MTFR1: variants seen among roughly 807,000 people sequenced by gnomAD.
The protein encoded by MTFR1 is mitochondrial fission regulator 1, also known as chondrocyte protein with a poly-proline region.
In MTFR1, 28 loss-of-function variants were observed where a neutral mutation model predicts 38.8. The ratio of observed to expected loss-of-function variants is 0.72; its 90% confidence interval spans 0.53 to 0.99. The LOEUF (loss-of-function observed/expected upper bound fraction) is 0.99, where lower values mean the gene tolerates loss of function less well. Ranked by LOEUF, MTFR1 falls within the 50% of genes least tolerant of loss-of-function variation. The pLI is 0.00. For synonymous variants in MTFR1, 145 were observed against 137.0 expected (o/e 1.06, Z -0.41); for missense variants, 358 against 395.5 (o/e 0.91, Z 0.81).
Position 65,703,419 on chromosome 8 carries a change from G to GTTTTTTTTT in MTFR1, c.282-1251_282-1243dup, listed in dbSNP as rs553260839. Among the ~76,000 whole-genome samples the GTTTTTTTTT allele has an allele frequency of 2.2e-3, 113 of 50,958 alleles. 11 individuals carry two copies. The highest frequency in any genetic ancestry group is 4.1e-3 in the African/African-American group (51 of 12,364). The allele number at this position is 50,958 out of a possible 152,430, so 33.4% of individuals were successfully genotyped here. A position where few individuals can be genotyped will look rare whatever the true frequency, so the allele number is the denominator to read the frequency against. ...GGTACATCCATGCTTGATGTCTCTG[G>GTTTTTTTTT]TTTTTTTTTTTTTTTTTTTTTTTTT... On this transcript the variant is annotated intron_variant, in intron 4 of 7. Coordinates refer to ENST00000262146, the MANE Select transcript of MTFR1 (RefSeq NM_014637.4).
At chr8:65,665,695 G>A (rs769264039) in intron 1 of MTFR1, among the ~76,000 whole-genome samples, 6 of 152,102 alleles carry the variant, frequency 3.9e-5, no homozygotes, top group Non-Finnish European at 5.9e-5. Context: ...ATGGGGTCTC[G>A]CTTTGTTGAC....
intron 1 of MTFR1, among the ~76,000 whole-genome samples, chr8:65,650,467 T>C (rs7825615): frequency 0.19 from 29,201 of 152,086 alleles, 2,971 homozygotes; most frequent in Middle Eastern, 0.23. Context: ...CCACCGCGCC[T>C]AGCCAACCAT....
chr8:65,745,518 T>C (rs1807634607), intron 3 of MTFR1: 6 of 1,052,044 alleles, frequency 5.7e-6, no homozygotes, highest in South Asian at 1.3e-5. Flanking sequence ...TTCAATAACA[T>C]TGTCTTTTGG....
chr8:65,668,322 C>A (rs983330832), intron 1 of MTFR1, among the ~76,000 whole-genome samples: 3 of 147,576 alleles, frequency 2.0e-5, no homozygotes, highest in Non-Finnish European at 4.5e-5. Flanking sequence ...GGATTACAGG[C>A]GTGCTCCACC....
At chr8:65,681,726 T>C (rs1340905464) in intron 2 of MTFR1, among the ~76,000 whole-genome samples, 2 of 149,138 alleles carry the variant, frequency 1.3e-5, no homozygotes, top group African/African-American at 5.0e-5. Flanking sequence ...CATAGCATAA[T>C]GTCCTGTTTT....
chr8:65,743,672 A>G (rs1238796565), intron 3 of MTFR1, among the ~76,000 whole-genome samples: 1 of 152,224 alleles, frequency 6.6e-6, no homozygotes, highest in Non-Finnish European at 1.5e-5. Flanking sequence ...AAGGTAATTT[A>G]TTTGTTCATT....
Position 65,682,334 on chromosome 8 carries a change from G to A in MTFR1, c.67-19G>A, listed in dbSNP as rs1308573841. ...TGTACATCTTGTAATTAAGCTTTCG[G>A]TTTTTCCTACTTCCTCAGGTACTTT... On this transcript the variant is annotated intron_variant, in intron 2 of 7. Coordinates refer to ENST00000262146, the MANE Select transcript of MTFR1 (RefSeq NM_014637.4). 1 of 1,420,284 alleles carries A rather than the reference G, an allele frequency of 7.0e-7. No individual in the cohort carries two copies. Among genetic ancestry groups the A allele is most frequent in the Non-Finnish European group, 9.6e-7 (1 of 1,040,064 alleles). The allele number at this position is 1,420,284 out of a possible 1,614,324, so 88.0% of individuals were successfully genotyped here. A position where few individuals can be genotyped will look rare whatever the true frequency, so the allele number is the denominator to read the frequency against.
chr8:65,670,600 T>C (rs1279675868), intron 2 of MTFR1, among the ~76,000 whole-genome samples: 1 of 152,230 alleles, frequency 6.6e-6, no homozygotes, highest in African/African-American at 2.4e-5. Context: ...TTTTGTAGAA[T>C]ATTTTGTTTT....
chr8:65,720,208 A>G (rs1328035060), intron 3 of MTFR1, among the ~76,000 whole-genome samples: 2 of 152,230 alleles, frequency 1.3e-5, no homozygotes, highest in Non-Finnish European at 2.9e-5. Flanking sequence ...ATAGCACTCC[A>G]CTGCACATTA....
chr8:65,751,720 G>C (rs1242855890), intron 3 of MTFR1, among the ~76,000 whole-genome samples: 1 of 152,162 alleles, frequency 6.6e-6, no homozygotes, highest in African/African-American at 2.4e-5. Context: ...TCGAACTCCC[G>C]ACCTCAGGTG....
intron 1 of MTFR1, among the ~76,000 whole-genome samples, chr8:65,663,822 C>CTTTTTT (rs1035579864): frequency 1.6e-3 from 124 of 78,526 alleles, no homozygotes; most frequent in African/African-American, 2.1e-3. Flanking sequence ...AATTTCTTTT[C>CTTTTTT]TTTTTTTTTT....
At chr8:65,711,622 A>G (rs1317310302), downstream of MTFR1, among the ~76,000 whole-genome samples, 1 of 152,150 alleles carries the variant, frequency 6.6e-6, no homozygotes, top group Non-Finnish European at 1.5e-5. Context: ...CCTATTTGTT[A>G]GGATTCTTCT....
At chr8:65,678,158 A>G (rs1193725671) in intron 2 of MTFR1, among the ~76,000 whole-genome samples, 1 of 152,198 alleles carries the variant, frequency 6.6e-6, no homozygotes, top group Non-Finnish European at 1.5e-5. Flanking sequence ...GACAAGACAT[A>G]GTTCAGCCAC....
intron 3 of MTFR1, among the ~76,000 whole-genome samples, chr8:65,726,330 AT>A (rs3834875): frequency 4.0e-4 from 60 of 149,768 alleles, no homozygotes; most frequent in Non-Finnish European, 5.5e-4. Flanking sequence ...TAGCCCATTT[AT>A]TTTTTTTTCC....
chr8:65,766,728 G>A (rs1235949910), intron 3 of MTFR1, among the ~76,000 whole-genome samples: 1 of 152,094 alleles, frequency 6.6e-6, no homozygotes, highest in African/African-American at 2.4e-5. Context: ...GTTATTAAGT[G>A]CCTCAAACTT....
chr8:65,697,129 C>T (rs141622999), intron 4 of MTFR1, among the ~76,000 whole-genome samples: 3,173 of 151,432 alleles, frequency 0.021, 121 homozygotes, highest in African/African-American at 0.073. Flanking sequence ...GGATTACAGG[C>T]GCCTGCCTCC....
chr8:65,693,270 G>A lies in MTFR1; in HGVS notation c.166-374G>A, dbSNP rs1180256529. ...ACAAAAATTAGCTGGGCATGGTGGC[G>A]TGTGCCTGTAGTCCCAGCTACTCAG... On this transcript the variant is annotated intron_variant, in intron 3 of 7. Coordinates refer to ENST00000262146, the MANE Select transcript of MTFR1 (RefSeq NM_014637.4). Among the ~76,000 whole-genome samples, 3 of 151,890 alleles carry A rather than the reference G, an allele frequency of 2.0e-5. 1 individual carries two copies. Among genetic ancestry groups the A allele is most frequent in the South Asian group, 4.1e-4 (2 of 4,826 alleles).
rs572196375 is a variant in MTFR1 at position 65,696,984 on chromosome 8, C to CTT, written c.281+3242_281+3243dup. ...CCAATATGTAACCTTTTGGGACTGG[C>CTT]TTTTTTTTTTTTTTTTTTGAGACAG... On this transcript the variant is annotated intron_variant, in intron 4 of 7. Transcript: ENST00000262146. Among the ~76,000 whole-genome samples the CTT allele has an allele frequency of 2.2e-3, 250 of 111,216 alleles. 4 individuals are homozygous for CTT. Among genetic ancestry groups the CTT allele is most frequent in the African/African-American group, 5.7e-3 (170 of 29,644 alleles). 73.0% of individuals were successfully genotyped at this position (111,216 alleles called of 152,430 possible).
chr8:65,758,083 A>C (rs1445950842), intron 3 of MTFR1, among the ~76,000 whole-genome samples: 2 of 152,232 alleles, frequency 1.3e-5, no homozygotes, highest in East Asian at 3.8e-4. Flanking sequence ...GTGCTAGTCC[A>C]GATTGCTGGT....
Sources: gnomAD v4.1 joint callset for allele counts (sites outside exome capture counted in the v4.1 genomes callset) on GRCh38, gnomAD v4.1.1 for gene constraint, MANE v1.5 for transcripts, NCBI Gene and HGNC (gene_info 2026-07-23, HGNC 2026-07-21) for gene names.